The following MACROD2 variants were observed in gnomAD, a reference collection of about 807,000 sequenced individuals.
MACROD2 encodes mono-ADP ribosylhydrolase 2.
In MACROD2, 36 loss-of-function variants were observed where a neutral mutation model predicts 70.4. The observed-to-expected ratio is 0.51, with a 90% CI of 0.39 to 0.68. The LOEUF is 0.68. MACROD2 is among the 30% of genes least tolerant of loss of function. The probability of loss-of-function intolerance (pLI) is 0.00; values close to 1 mark genes in which losing one functional copy is unlikely to be tolerated. For synonymous variants in MACROD2, 172 were observed against 178.8 expected (o/e 0.96, Z 0.30); for missense variants, 496 against 538.4 (o/e 0.92, Z 0.78).
intron 5 of MACROD2, among the ~76,000 whole-genome samples, chr20:14,928,754 G>A (rs2074263858): frequency 6.6e-6 from 1 of 152,130 alleles, no homozygotes; most frequent in Non-Finnish European, 1.5e-5. Flanking sequence ...TATAATATGG[G>A]TTACATTCCC....
chr20:15,339,173 T>C (rs370236237), intron 6 of MACROD2, among the ~76,000 whole-genome samples: 7 of 151,872 alleles, frequency 4.6e-5, no homozygotes, highest in African/African-American at 1.7e-4. Flanking sequence ...GATAGGTAGA[T>C]AGACAGATGG....
chr20:15,265,415 C>T (rs906405330), intron 6 of MACROD2, among the ~76,000 whole-genome samples: 9 of 152,192 alleles, frequency 5.9e-5, no homozygotes, highest in South Asian at 2.1e-4. Context: ...CTGTGCACCT[C>T]GAATTCAGCC....
At chr20:14,156,004 C>G (rs1171119970) in intron 3 of MACROD2, among the ~76,000 whole-genome samples, 1 of 151,964 alleles carries the variant, frequency 6.6e-6, no homozygotes, top group Admixed American at 6.6e-5. Context: ...TCTACATAAA[C>G]TACAAAAATT....
At position 15,527,091 on chromosome 20, in the gene MACROD2, C is replaced by A. The variant is rs148021704; in HGVS notation, c.645+27244C>A. Among the ~76,000 whole-genome samples the A allele has an allele frequency of 9.9e-5, 15 of 152,204 alleles. No homozygotes were observed. The East Asian group carries it at 2.9e-3, about 29-fold the overall frequency. ...AGTAAGCTCACTATCTCAGCTTTCC[C>A]TCCCCTTGTCTGAGCTCAGAGCATC... On this transcript the variant is annotated intron_variant, in intron 8 of 17. Coordinates refer to ENST00000684519, the MANE Select transcript of MACROD2 (RefSeq NM_001351661.2).
chr20:15,493,130 A>G (rs945428144), intron 7 of MACROD2, among the ~76,000 whole-genome samples: 6 of 152,184 alleles, frequency 3.9e-5, no homozygotes, highest in African/African-American at 1.4e-4. Context: ...GAGTGCATAA[A>G]GAATAGTTTT....
intron 9 of MACROD2, among the ~76,000 whole-genome samples, chr20:15,873,578 A>G (rs1468887947): frequency 6.6e-6 from 1 of 152,064 alleles, no homozygotes; most frequent in Non-Finnish European, 1.5e-5. Context: ...TCTTTCAAAT[A>G]TATGTTGCAA....
chr20:14,233,307 C>G (rs538448100), intron 3 of MACROD2, among the ~76,000 whole-genome samples: 1 of 152,268 alleles, frequency 6.6e-6, no homozygotes, highest in South Asian at 2.1e-4. Context: ...AGCGTTGCCA[C>G]AGACCTTCAA....
At chr20:15,181,597 T>C (rs2076501325) in intron 5 of MACROD2, among the ~76,000 whole-genome samples, 1 of 152,206 alleles carries the variant, frequency 6.6e-6, no homozygotes, top group Non-Finnish European at 1.5e-5. Flanking sequence ...ATAACCTTTT[T>C]TTGCTAATTC....
intron 5 of MACROD2, among the ~76,000 whole-genome samples, chr20:14,802,422 T>C (rs2122144396): frequency 6.6e-6 from 1 of 152,202 alleles, no homozygotes; most frequent in African/African-American, 2.4e-5. Flanking sequence ...TTTTCCCTTC[T>C]GCTATATAGT....
At chr20:15,931,200 T>C (rs1213890419) in intron 10 of MACROD2, among the ~76,000 whole-genome samples, 1 of 152,172 alleles carries the variant, frequency 6.6e-6, no homozygotes, top group Non-Finnish European at 1.5e-5. Context: ...ACAGCAGAAG[T>C]GACTATTTCC....
chr20:15,729,579 G>A (rs1251394145), intron 8 of MACROD2, among the ~76,000 whole-genome samples: 1 of 152,106 alleles, frequency 6.6e-6, no homozygotes, highest in Non-Finnish European at 1.5e-5. Flanking sequence ...TGTGTTGAGT[G>A]CATATATATT....
rs573722600 is a variant in MACROD2, at chr20:15,612,210, A to G, written c.645+112363A>G. 2.0e-5 allele frequency among the ~76,000 whole-genome samples: 3 copies of G among 152,334 alleles called. No homozygotes were observed. In the South Asian group the frequency reaches 6.2e-4, roughly 32 times the overall value. On this transcript the variant is annotated intron_variant, in intron 8 of 17. Coordinates refer to ENST00000684519, the MANE Select transcript of MACROD2 (RefSeq NM_001351661.2). ...AGAATACAGCCAATACAGCTATAGC[A>G]TGAGCCATGCCGGCTCATGATTGTT... is the stretch of plus-strand genomic sequence containing the variant.
chr20:15,975,497 C>T (rs1472705515), intron 13 of MACROD2, among the ~76,000 whole-genome samples: 1 of 152,002 alleles, frequency 6.6e-6, no homozygotes, highest in Admixed American at 6.6e-5. Context: ...GAAAGCTCAC[C>T]CATAACGTGG....
intron 4 of MACROD2, among the ~76,000 whole-genome samples, chr20:14,624,638 G>T (rs2123459913): frequency 6.6e-6 from 1 of 152,308 alleles, no homozygotes; most frequent in African/African-American, 2.4e-5. Flanking sequence ...CTACATCTGG[G>T]ATTGAACACA....
At chr20:14,985,851 A>G (rs1263796738) in intron 5 of MACROD2, among the ~76,000 whole-genome samples, 1 of 151,928 alleles carries the variant, frequency 6.6e-6, no homozygotes, top group African/African-American at 2.4e-5. Context: ...GTTGGCCAGA[A>G]TGGTCTCAAA....
intron 9 of MACROD2, among the ~76,000 whole-genome samples, chr20:15,882,628 TC>T (rs1173502326): frequency 6.6e-6 from 1 of 151,996 alleles, no homozygotes. Context: ...GAGGGGAAGG[TC>T]CCTCATATTT....
Position 15,485,842 on chromosome 20 carries a change from A to C in MACROD2, c.572-13932A>C, listed in dbSNP as rs149703198. Among the ~76,000 whole-genome samples the C allele has an allele frequency of 7.2e-5, 11 of 152,236 alleles. No homozygotes were observed. The East Asian group carries it at 2.1e-3, about 29-fold the overall frequency. On this transcript the variant is annotated intron_variant, in intron 7 of 17. Transcript: ENST00000684519. The stretch of plus-strand genomic sequence containing the variant: ...GGAGCAGTAACTTATGTATGGGTAA[A>C]ACTTAGAAATCCAAAACCAGCCAAG...
chr20:15,837,366 G>T (rs899656192), intron 8 of MACROD2, among the ~76,000 whole-genome samples: 3 of 152,086 alleles, frequency 2.0e-5, no homozygotes, highest in African/African-American at 7.2e-5. Flanking sequence ...CCTTTTCTCC[G>T]TGTGGGAATG....
In MACROD2 at chr20:15,493,662, A is replaced by G. The variant is rs189879103; in HGVS notation, c.572-6112A>G. Among the ~76,000 whole-genome samples, 22 of 152,336 alleles carry G rather than the reference A, an allele frequency of 1.4e-4. No homozygotes were observed. The East Asian group carries it at 3.7e-3, about 25-fold the overall frequency. On this transcript the variant is annotated intron_variant, in intron 7 of 17. Coordinates refer to ENST00000684519, the MANE Select transcript of MACROD2 (RefSeq NM_001351661.2). ...ACAAAGTTAAAGATAATAGGGAAAT[A>G]TCAATAACAGTAAAAAATAAAAAGT...
Sources: gnomAD v4.1 joint callset for allele counts (sites outside exome capture counted in the v4.1 genomes callset) on GRCh38, gnomAD v4.1.1 for gene constraint, MANE v1.5 for transcripts, NCBI Gene and HGNC (gene_info 2026-07-23, HGNC 2026-07-21) for gene names.